Variants in U2AF2 observed in about 807,000 individuals in gnomAD.
U2AF2 encodes splicing factor U2AF 65 kDa subunit.
U2AF2 carries 6 observed loss-of-function variants against 52.6 expected under a neutral mutation model. The observed-to-expected ratio is 0.11, with a 90% confidence interval of 0.06 to 0.23. The LOEUF is 0.23. U2AF2 is among the 10% of genes least tolerant of loss of function. The pLI is 1.00. For missense variants in U2AF2, 222 were observed against 677.1 expected (o/e 0.33, Z 7.46); for synonymous variants, 284 against 258.2 (o/e 1.10, Z -0.96).
chr19:55,656,876 G>A (rs1367898789), intron 1 of U2AF2, among the ~76,000 whole-genome samples: 4 of 152,198 alleles, frequency 2.6e-5, no homozygotes, highest in East Asian at 1.9e-4. Flanking sequence ...AGGGTCTTCC[G>A]CTCACAGAGA....
intron 11 of U2AF2, chr19:55,672,191 C>T (rs1305517462): frequency 6.6e-6 from 1 of 150,540 alleles, no homozygotes; most frequent in East Asian, 1.9e-4. Context: ...TGTTACATGT[C>T]TTTTCAAATA....
At position 55,665,750 on chromosome 19, in the gene U2AF2, G is replaced by A. The variant is rs1984509520; in HGVS notation, c.742+2006G>A. On this transcript the variant is annotated intron_variant, in intron 7 of 11. Transcript: ENST00000308924. ...TGCAACCTCCGCCTCCCAGGTTCAAGCGATTCTCCTGCCTCAGCCTCCCGA... is the reference window on the plus strand; with the variant it reads ...TGCAACCTCCGCCTCCCAGGTTCAAACGATTCTCCTGCCTCAGCCTCCCGA... 2.0e-5 allele frequency among the ~76,000 whole-genome samples: 3 copies of A among 152,296 alleles called. No homozygotes were observed. In the South Asian group the frequency reaches 6.2e-4, roughly 32 times the overall value.
chr19:55,670,466 CCCG>C (rs1984832690), intron 11 of U2AF2, among the ~76,000 whole-genome samples: 1 of 6,550 alleles, frequency 1.5e-4, no homozygotes, highest in African/African-American at 4.5e-4. Flanking sequence ...ACCCTGCTGT[CCCG>C]TGCACCCTGC....
intron 5 of U2AF2, 24 bp downstream of exon 5, chr19:55,661,213 C>G: frequency 6.4e-7 from 1 of 1,559,638 alleles, no homozygotes; most frequent in Non-Finnish European, 8.7e-7. Flanking sequence ...CTGCCCCCTA[C>G]CCTCTCCCTT....
intron 7 of U2AF2, among the ~76,000 whole-genome samples, chr19:55,667,956 T>C (rs1600081475): frequency 6.6e-6 from 1 of 152,178 alleles, no homozygotes; most frequent in South Asian, 2.1e-4. Flanking sequence ...CCGCTAATTT[T>C]TGTGTTTTTA....
chr19:55,656,980 A>C (rs1219819744), intron 1 of U2AF2, among the ~76,000 whole-genome samples: 1 of 152,252 alleles, frequency 6.6e-6, no homozygotes, highest in African/African-American at 2.4e-5. Flanking sequence ...CCCTCGTTTA[A>C]AGAGAAAACC....
At chr19:55,656,587 C>T (rs763987997) in intron 1 of U2AF2, among the ~76,000 whole-genome samples, 6 of 152,180 alleles carry the variant, frequency 3.9e-5, no homozygotes, top group Non-Finnish European at 8.8e-5. Context: ...TGTAGTTAAA[C>T]TCTGAGCGCT....
chr19:55,662,851 C>T (rs926543908), intron 6 of U2AF2, among the ~76,000 whole-genome samples: 1 of 152,134 alleles, frequency 6.6e-6, no homozygotes, highest in African/African-American at 2.4e-5. Flanking sequence ...CTGTAGACCT[C>T]TTTGGCCTTT....
chr19:55,663,805 A>C (rs759321812), intron 7 of U2AF2, 61 bp downstream of exon 7: 1 of 1,601,386 alleles, frequency 6.2e-7, no homozygotes, highest in South Asian at 1.1e-5. Context: ...TGGCCTGTCC[A>C]TCCCTTCAGC....
At chr19:55,663,016 C>T (rs1028847929) in intron 6 of U2AF2, among the ~76,000 whole-genome samples, 1 of 152,122 alleles carries the variant, frequency 6.6e-6, no homozygotes, top group Non-Finnish European at 1.5e-5. Flanking sequence ...ATGTTCCTAA[C>T]TAGTCTTCTG....
chr19:55,665,647 G>GT (rs1044859123), intron 7 of U2AF2, among the ~76,000 whole-genome samples: 8 of 152,192 alleles, frequency 5.3e-5, no homozygotes, highest in South Asian at 2.1e-4. Context: ...CCTGTTTTTT[G>GT]TTTTTTTGTT....
chr19:55,655,172 C>G lies in U2AF2; in HGVS notation c.49+19C>G, dbSNP rs1983692221. 6.2e-7 allele frequency: 1 copy of G among 1,600,688 alleles called. No homozygotes were observed. The highest frequency in any genetic ancestry group is 8.5e-7 in the Non-Finnish European group (1 of 1,174,776). On this transcript the variant is annotated intron_variant, in intron 1 of 11. Coordinates refer to ENST00000308924, the MANE Select transcript of U2AF2 (RefSeq NM_007279.3). ...AAACAAGGTGAGGGCACCGGGGTCG[C>G]GGGGCGGAGGTGTGGGCGGCTCCTC...
intron 6 of U2AF2, 119 bp from the exon 7 acceptor site, chr19:55,663,487 C>G: frequency 6.8e-7 from 1 of 1,461,404 alleles, no homozygotes; most frequent in East Asian, 2.4e-5. Flanking sequence ...AGCCTGGGGC[C>G]TGGCATGTTG....
chr19:55,659,094 C>T, intron 1 of U2AF2, 116 bp from the exon 2 acceptor site: 3 of 1,352,214 alleles, frequency 2.2e-6, no homozygotes, highest in Non-Finnish European at 2.9e-6. Context: ...CATTGAATCC[C>T]TTCCCTTTGG....
chr19:55,659,218 A>G lies in U2AF2; in HGVS notation c.58A>G (p.Lys20Glu). 1 of 1,591,354 alleles carries G rather than the reference A, an allele frequency of 6.3e-7. No homozygotes were observed. Among genetic ancestry groups the G allele is most frequent in the Non-Finnish European group, 8.6e-7 (1 of 1,167,128 alleles). ...CTCTCACCCTTGCCCAGAGCGGGAC[A>G]AGGAGAACCGGCATCGGAAGCGCAG... ...QLNENKQERDKENRHRKRSHS... is the reference protein window; with the variant it reads ...QLNENKQERDEENRHRKRSHS... The change falls in exon 2 of 12, where the codon AAG becomes GAG. Residue 20 changes from lysine (K) to glutamate (E), a missense_variant. Lys to Glu is a moderately conservative substitution (Grantham distance 56). Around this residue, in one of 4 missense-constraint regions of U2AF2, gnomAD observed 100 missense variants for 144.1 expected, o/e 0.69. Coordinates refer to ENST00000308924, the MANE Select transcript of U2AF2 (RefSeq NM_007279.3).
chr19:55,661,343 C>T, intron 5 of U2AF2, 154 bp downstream of exon 5: 1 of 836,560 alleles, frequency 1.2e-6, no homozygotes, highest in East Asian at 3.3e-5. Context: ...GTTGAGCCAG[C>T]CAGGGGCCGG....
chr19:55,662,464 T>TA, intron 5 of U2AF2, 38 bp from the exon 6 acceptor site: 1 of 613,018 alleles, frequency 1.6e-6, no homozygotes, highest in Non-Finnish European at 2.7e-6. Flanking sequence ...CCACCTCCCT[T>TA]CCCCCGCCCC....
chr19:55,660,890 C>G lies in U2AF2; in HGVS notation c.335-148C>G, dbSNP rs918775988. On this transcript the variant is annotated intron_variant, in intron 4 of 11. Coordinates refer to ENST00000308924, the MANE Select transcript of U2AF2 (RefSeq NM_007279.3). Reference sequence around the variant, plus strand: ...AGCAGCAGTTACTGGGTGGGGGCCCCGAGGGTGGAAAGAGGGTTCTGGAAG... The same window carrying G: ...AGCAGCAGTTACTGGGTGGGGGCCCGGAGGGTGGAAAGAGGGTTCTGGAAG... The G allele has an allele frequency of 6.7e-6, 9 of 1,340,294 alleles. No homozygotes were observed. In the East Asian group the frequency reaches 2.3e-4, roughly 35 times the overall value. The allele number at this position is 1,340,294 out of a possible 1,614,324, so 83.0% of individuals were successfully genotyped here.
chr19:55,667,588 C>G (rs987612448), intron 7 of U2AF2, among the ~76,000 whole-genome samples: 1 of 152,118 alleles, frequency 6.6e-6, no homozygotes, highest in Non-Finnish European at 1.5e-5. Context: ...TGTCAGCCCT[C>G]GAAGACACTG....
Sources: allele counts gnomAD v4.1 joint callset (sites outside exome capture counted in the v4.1 genomes callset), GRCh38; gene constraint gnomAD v4.1.1; regional missense constraint gnomAD v4.1.1; transcripts MANE v1.5; gene names NCBI Gene and HGNC (gene_info 2026-07-23, HGNC 2026-07-21).